The following SEC63 variants were observed in gnomAD, a reference collection of about 807,000 sequenced individuals.
SEC63 encodes SEC63 protein translocation regulator.
A neutral mutation model predicts 116.2 loss-of-function variants in SEC63; 56 were observed. That is an observed-to-expected ratio of 0.48 (90% CI 0.39 to 0.60). The LOEUF (loss-of-function observed/expected upper bound fraction) is 0.60, where lower values mean the gene tolerates loss of function less well. Ranked by LOEUF, SEC63 falls within the 20% of genes least tolerant of loss-of-function variation. The probability of loss-of-function intolerance (pLI) is 0.00; values close to 1 mark genes in which losing one functional copy is unlikely to be tolerated. For synonymous variants in SEC63, 273 were observed against 294.6 expected (o/e 0.93, Z 0.75); for missense variants, 668 against 900.0 (o/e 0.74, Z 3.30).
chr6:107,907,500 T>C (rs1360514288), intron 8 of SEC63, among the ~76,000 whole-genome samples: 2 of 152,168 alleles, frequency 1.3e-5, no homozygotes, highest in Non-Finnish European at 2.9e-5. Flanking sequence ...GAGAATTGCT[T>C]GCACCCAGGA....
chr6:107,913,747 G>A (rs1298703340), intron 4 of SEC63, among the ~76,000 whole-genome samples: 5 of 152,156 alleles, frequency 3.3e-5, no homozygotes, highest in African/African-American at 9.7e-5. Flanking sequence ...TTTCTAAGAA[G>A]GCAGGGAGAA....
chr6:107,929,061 T>C (rs1262265439), intron 2 of SEC63, among the ~76,000 whole-genome samples: 1 of 152,238 alleles, frequency 6.6e-6, no homozygotes, highest in African/African-American at 2.4e-5. Flanking sequence ...AAACTTTAAT[T>C]ATCACCATGA....
chr6:107,912,770 T>A lies in SEC63; in HGVS notation c.519A>T (p.Thr173=), dbSNP rs1190438100. 6.2e-7 allele frequency: 1 copy of A among 1,609,996 alleles called. No homozygotes were observed. Among genetic ancestry groups the A allele is most frequent in the East Asian group, 2.2e-5 (1 of 44,858 alleles). The change falls in exon 6 of 21, where the codon ACA becomes ACT. Residue 173 remains threonine, a synonymous_variant. Coordinates refer to ENST00000369002, the MANE Select transcript of SEC63 (RefSeq NM_007214.5). Reference sequence around the variant, plus strand: ...AAGCTGGCAGGGCAATTCCAAAGCTTGTGGCTGAAATAGAAAAAATATCAG... The same window carrying A: ...AAGCTGGCAGGGCAATTCCAAAGCTAGTGGCTGAAATAGAAAAAATATCAG... ...EFGNPDGPQA[T]SFGIALPAWI... is the part of the protein sequence containing the mutation.
intron 1 of SEC63, among the ~76,000 whole-genome samples, chr6:107,930,783 T>TCAGAAG (rs1787789031): frequency 2.0e-5 from 3 of 147,216 alleles, no homozygotes; most frequent in Non-Finnish European, 4.5e-5. Context: ...TCACCTGAGG[T>TCAGAAG]CAGAAGTTAA....
rs116545166 is a variant in SEC63, at chr6:107,881,065, C to T, written c.1935+84G>A. 858 of 972,022 alleles carry T rather than the reference C, an allele frequency of 8.8e-4. 6 individuals carry two copies. In the African/African-American group the frequency reaches 0.013, roughly 14 times the overall value. 60.2% of individuals were successfully genotyped at this position (972,022 alleles called of 1,614,324 possible). A position where few individuals can be genotyped will look rare whatever the true frequency, so the allele number is the denominator to read the frequency against. ...TTTAGCACATATGAACTAATACACACGACAGAGGGCTAAAAGTCAACTGAC... is the reference window on the plus strand; with the variant it reads ...TTTAGCACATATGAACTAATACACATGACAGAGGGCTAAAAGTCAACTGAC... On this transcript the variant is annotated intron_variant, in intron 18 of 20. Coordinates refer to ENST00000369002, the MANE Select transcript of SEC63 (RefSeq NM_007214.5).
At chr6:107,873,236 A>G (rs757224040) in intron 19 of SEC63, among the ~76,000 whole-genome samples, 1 of 152,232 alleles carries the variant, frequency 6.6e-6, no homozygotes, top group Non-Finnish European at 1.5e-5. Flanking sequence ...GTATAAAAGC[A>G]TAAGTAAATG....
chr6:107,905,179 T>C (rs1787123301), intron 10 of SEC63, among the ~76,000 whole-genome samples: 1 of 152,238 alleles, frequency 6.6e-6, no homozygotes, highest in African/African-American at 2.4e-5. Context: ...TAAGACCACA[T>C]TAACCTATGG....
Position 107,872,912 on chromosome 6 carries a change from C to G in SEC63, c.2035G>C (p.Val679Leu). The G allele has an allele frequency of 6.5e-7, 1 of 1,538,972 alleles. No individual in the cohort carries two copies. Among genetic ancestry groups the G allele is most frequent in the Non-Finnish European group, 8.8e-7 (1 of 1,135,186 alleles). ...CCTGGTGCAGGAAACTTCAGCTCTACCTAGAAGATAAAATCAGCACTTAAA... is the reference window on the plus strand; with the variant it reads ...CCTGGTGCAGGAAACTTCAGCTCTAGCTAGAAGATAAAATCAGCACTTAAA... ...HVCTLKDTEE[V>L]ELKFPAPGKP... The change falls in exon 20 of 21, where the codon GTA (valine) becomes CTA (leucine). Residue 679 changes from valine (V) to leucine (L), a missense_variant and splice_region_variant. By Grantham distance (32) the Val-to-Leu change is conservative (BLOSUM62 1). This residue lies in a region of SEC63 where 85 missense variants were observed against 116.3 expected (regional missense o/e 0.73). Coordinates refer to ENST00000369002, the MANE Select transcript of SEC63 (RefSeq NM_007214.5).
chr6:107,888,492 G>A (rs184565614), intron 16 of SEC63, among the ~76,000 whole-genome samples: 1 of 152,282 alleles, frequency 6.6e-6, no homozygotes, highest in East Asian at 1.9e-4. Context: ...GAGATTTTGG[G>A]CTGAGACGAT....
At chr6:107,910,572 A>T (rs1787255234) in intron 7 of SEC63, among the ~76,000 whole-genome samples, 1 of 152,134 alleles carries the variant, frequency 6.6e-6, no homozygotes, top group Non-Finnish European at 1.5e-5. Flanking sequence ...ATACATATAC[A>T]CGTGTCATAC....
chr6:107,907,584 G>GA (rs538849342), intron 8 of SEC63, among the ~76,000 whole-genome samples: 12 of 151,354 alleles, frequency 7.9e-5, no homozygotes, highest in South Asian at 6.3e-4. Flanking sequence ...TTGCCTCAGA[G>GA]AAAAAAAAAT....
At chr6:107,891,769 T>C (rs1429501623) in intron 16 of SEC63, among the ~76,000 whole-genome samples, 1 of 152,206 alleles carries the variant, frequency 6.6e-6, no homozygotes, top group African/African-American at 2.4e-5. Flanking sequence ...TTGTTGGTGT[T>C]GATACTATTC....
intron 1 of SEC63, among the ~76,000 whole-genome samples, chr6:107,945,305 CTTT>C (rs59290085): frequency 7.2e-6 from 1 of 138,362 alleles, no homozygotes; most frequent in Non-Finnish European, 1.6e-5. Context: ...TCTTTCTTTT[CTTT>C]TTTTTTTTTT....
intron 8 of SEC63, among the ~76,000 whole-genome samples, chr6:107,907,016 C>T (rs191258147): frequency 9.2e-5 from 14 of 152,218 alleles, no homozygotes; most frequent in Admixed American, 5.9e-4. Flanking sequence ...AAATAAAGCA[C>T]ACCAAAGCAA....
At chr6:107,898,408 A>G (rs1786916672) in intron 13 of SEC63, among the ~76,000 whole-genome samples, 1 of 152,254 alleles carries the variant, frequency 6.6e-6, no homozygotes, top group African/African-American at 2.4e-5. Context: ...TCACAGTGAC[A>G]TAAAAATAGG....
chr6:107,881,921 A>G (rs1416035540), intron 17 of SEC63, among the ~76,000 whole-genome samples: 1 of 152,190 alleles, frequency 6.6e-6, no homozygotes, highest in Non-Finnish European at 1.5e-5. Flanking sequence ...TAATGAATGT[A>G]TTTTTGGTCA....
intron 13 of SEC63, among the ~76,000 whole-genome samples, chr6:107,898,133 G>A (rs756922576): frequency 1.3e-4 from 19 of 151,964 alleles, no homozygotes; most frequent in Non-Finnish European, 2.4e-4. Context: ...GCGTGATGGT[G>A]CCCGCCTGTA....
At chr6:107,917,697 G>A (rs2744224) in intron 4 of SEC63, among the ~76,000 whole-genome samples, 5,411 of 152,286 alleles carry the variant, frequency 0.036, 314 homozygotes, top group African/African-American at 0.12. Flanking sequence ...CTCGACAGAA[G>A]ATCAAACTAC....
chr6:107,878,789 A>C (rs1786338753), intron 18 of SEC63, among the ~76,000 whole-genome samples: 1 of 152,042 alleles, frequency 6.6e-6, no homozygotes, highest in East Asian at 1.9e-4. Context: ...CAGGAGGTGG[A>C]GGTTGCAGTG....
Sources: gnomAD v4.1 joint callset for allele counts (sites outside exome capture counted in the v4.1 genomes callset) on GRCh38, gnomAD v4.1.1 for gene constraint, gnomAD v4.1.1 regional missense constraint, MANE v1.5 for transcripts, NCBI Gene and HGNC (gene_info 2026-07-23, HGNC 2026-07-21) for gene names.